The following ACTR3 variants were observed in gnomAD, a reference collection of about 807,000 sequenced individuals.
ACTR3 encodes actin-related protein 3.
ACTR3 carries 12 observed loss-of-function variants against 56.8 expected under a neutral mutation model. That is an observed-to-expected ratio of 0.21 (90% CI 0.14 to 0.34). The LOEUF (loss-of-function observed/expected upper bound fraction) is 0.34, where lower values mean the gene tolerates loss of function less well. Among genes scored for constraint, ACTR3 ranks in the 10% least tolerant of loss-of-function variants. ACTR3 has a pLI of 1.00. For missense variants in ACTR3, 282 were observed against 512.5 expected (o/e 0.55, Z 4.34); for synonymous variants, 162 against 167.4 (o/e 0.97, Z 0.25).
intron 1 of ACTR3, among the ~76,000 whole-genome samples, chr2:113,891,356 T>C (rs1384311155): frequency 6.6e-6 from 1 of 151,594 alleles, no homozygotes; most frequent in Non-Finnish European, 1.5e-5. Context: ...CTCGTAGATA[T>C]GTAGGGTAGT....
intron 3 of ACTR3, among the ~76,000 whole-genome samples, chr2:113,925,741 G>A (rs10173891): frequency 0.058 from 8,858 of 152,206 alleles, 763 homozygotes; most frequent in African/African-American, 0.18. Context: ...AAAGCAAACT[G>A]GGGAGTAGAA....
intron 10 of ACTR3, chr2:113,954,716 G>C (rs888367099): frequency 2.0e-5 from 3 of 149,656 alleles, no homozygotes; most frequent in African/African-American, 7.4e-5. Context: ...GGCTGATCTT[G>C]TACTTTCTCT....
rs1323378022 is a variant in ACTR3 at position 113,961,317 on chromosome 2, C to T, written c.*3862C>T. 3.3e-5 allele frequency: 5 copies of T among 151,668 alleles called. No individual in the cohort carries two copies. Among genetic ancestry groups the T allele is most frequent in the Non-Finnish European group, 5.9e-5 (4 of 67,852 alleles). 9.4% of individuals were successfully genotyped at this position (151,668 alleles called of 1,614,324 possible). A position where few individuals can be genotyped will look rare whatever the true frequency, so the allele number is the denominator to read the frequency against. Reference sequence around the variant, plus strand: ...CTTGGGTGCTGAAATTAAATATAACCTATTTGAGTTAAGGATTTATTACTA... The same window carrying T: ...CTTGGGTGCTGAAATTAAATATAACTTATTTGAGTTAAGGATTTATTACTA... On this transcript the variant is annotated 3_prime_UTR_variant, in exon 12 of 12. Coordinates refer to ENST00000263238, the MANE Select transcript of ACTR3 (RefSeq NM_005721.5).
chr2:113,962,356 C>G lies in ACTR3; in HGVS notation c.*4901C>G, dbSNP rs1278506082. On this transcript the variant is annotated 3_prime_UTR_variant, in exon 12 of 12. Coordinates refer to ENST00000263238, the MANE Select transcript of ACTR3 (RefSeq NM_005721.5). ...TTGACATGTCCTGAAATGTAACATT[C>G]AACATTAACAGTAGAAACAGGCCTC... 6.6e-6 allele frequency: 1 copy of G among 151,894 alleles called. No homozygotes were observed. 9.4% of individuals were successfully genotyped at this position (151,894 alleles called of 1,614,324 possible).
At chr2:113,895,591 A>T (rs1245697385) in intron 1 of ACTR3, among the ~76,000 whole-genome samples, 1 of 152,218 alleles carries the variant, frequency 6.6e-6, no homozygotes, top group Non-Finnish European at 1.5e-5. Flanking sequence ...TCAAGGGCTA[A>T]CTTTGCAGAA....
rs1410711837 is a variant in ACTR3, at chr2:113,917,173, TTTTTTTC to T, written c.225+172_225+178del. On this transcript the variant is annotated intron_variant, in intron 3 of 11. Coordinates refer to ENST00000263238, the MANE Select transcript of ACTR3 (RefSeq NM_005721.5). Reference sequence around the variant, plus strand: ...CATCCTTCCCTGTTGCTTTAACTTTTTTTTTTCTTTTTTTTAATAACCCCTAAGAGGA... The same window carrying T: ...CATCCTTCCCTGTTGCTTTAACTTTTTTTTTTTTAATAACCCCTAAGAGGA... Among the ~76,000 whole-genome samples the T allele has an allele frequency of 5.9e-5, 9 of 152,178 alleles. No homozygotes were observed. The East Asian group carries it at 1.7e-3, about 29-fold the overall frequency.
At chr2:113,937,511 C>T (rs1034982440) in intron 6 of ACTR3, among the ~76,000 whole-genome samples, 1 of 152,208 alleles carries the variant, frequency 6.6e-6, no homozygotes, top group Admixed American at 6.5e-5. Context: ...AAAATGACAT[C>T]CTTCAACATT....
chr2:113,926,005 A>G (rs768783413), intron 3 of ACTR3, among the ~76,000 whole-genome samples: 2 of 152,194 alleles, frequency 1.3e-5, no homozygotes, highest in Non-Finnish European at 1.5e-5. Flanking sequence ...AGTTCTGTTT[A>G]TTAAATACCT....
chr2:113,915,246 C>T (rs1679382453), intron 2 of ACTR3, among the ~76,000 whole-genome samples: 1 of 152,180 alleles, frequency 6.6e-6, no homozygotes, highest in African/African-American at 2.4e-5. Flanking sequence ...TCAGCAGGGT[C>T]ATGCTCTTGC....
intron 6 of ACTR3, among the ~76,000 whole-genome samples, chr2:113,936,479 A>G (rs999643133): frequency 2.0e-5 from 3 of 151,938 alleles, no homozygotes; most frequent in African/African-American, 7.3e-5. Context: ...TGGTTGTTGT[A>G]TGGGTTGTAG....
At chr2:113,946,659 G>A (rs1181280862) in intron 8 of ACTR3, among the ~76,000 whole-genome samples, 1 of 152,124 alleles carries the variant, frequency 6.6e-6, no homozygotes, top group Non-Finnish European at 1.5e-5. Flanking sequence ...TAGGTTGTCT[G>A]TTTACTCTGC....
chr2:113,960,798 T>C lies in ACTR3; in HGVS notation c.*3343T>C, dbSNP rs1680311919. ...TTACCACCCAGATTTCCAACTCGGG[T>C]TAATTGGTACTAATTCTATTAGCTG... On this transcript the variant is annotated 3_prime_UTR_variant, in exon 12 of 12. Coordinates refer to ENST00000263238, the MANE Select transcript of ACTR3 (RefSeq NM_005721.5). 6.6e-6 allele frequency: 1 copy of C among 151,968 alleles called. No individual in the cohort carries two copies. The highest frequency in any genetic ancestry group is 1.5e-5 in the Non-Finnish European group (1 of 67,928). The allele number at this position is 151,968 out of a possible 1,614,324, so 9.4% of individuals were successfully genotyped here.
At chr2:113,932,999 G>A (rs968537677) in intron 5 of ACTR3, among the ~76,000 whole-genome samples, 1 of 152,010 alleles carries the variant, frequency 6.6e-6, no homozygotes, top group African/African-American at 2.4e-5. Flanking sequence ...CTTTGTTTGA[G>A]GCTTGGATTG....
At chr2:113,957,313 A>G (rs1271843399) in intron 11 of ACTR3, 47 bp from the exon 12 acceptor site, 3 of 1,360,254 alleles carry the variant, frequency 2.2e-6, no homozygotes, top group Non-Finnish European at 3.2e-6. Flanking sequence ...TACCTTCAAG[A>G]TGGTAGATTT....
At chr2:113,933,440 G>A (rs552936921) in intron 5 of ACTR3, among the ~76,000 whole-genome samples, 2 of 152,156 alleles carry the variant, frequency 1.3e-5, no homozygotes, top group South Asian at 2.1e-4. Context: ...CCCAAGAGGC[G>A]GAGATTGCGG....
At chr2:113,931,228 C>T in intron 4 of ACTR3, 73 bp from the exon 5 acceptor site, 1 of 845,738 alleles carries the variant, frequency 1.2e-6, no homozygotes, top group Non-Finnish European at 1.7e-6. Context: ...AATTACTTCT[C>T]ATTTAAAAAT....
intron 1 of ACTR3, among the ~76,000 whole-genome samples, chr2:113,895,136 A>G (rs964252812): frequency 7.4e-6 from 1 of 134,902 alleles, no homozygotes; most frequent in Non-Finnish European, 1.5e-5. Flanking sequence ...TAATCTCTAG[A>G]AAAAAATTAC....
intron 1 of ACTR3, among the ~76,000 whole-genome samples, chr2:113,903,745 C>G (rs1020876372): frequency 6.6e-6 from 1 of 152,040 alleles, no homozygotes; most frequent in African/African-American, 2.4e-5. Flanking sequence ...CTACCCACTT[C>G]GGCCTCCCTA....
intron 3 of ACTR3, among the ~76,000 whole-genome samples, chr2:113,921,455 C>T (rs1050934750): frequency 3.9e-5 from 6 of 151,964 alleles, no homozygotes; most frequent in Non-Finnish European, 5.9e-5. Flanking sequence ...GTTTTCCTCA[C>T]AGAAGCATTT....
Sources: gnomAD v4.1 joint callset for allele counts (sites outside exome capture counted in the v4.1 genomes callset) on GRCh38, gnomAD v4.1.1 for gene constraint, MANE v1.5 for transcripts, NCBI Gene and HGNC (gene_info 2026-07-23, HGNC 2026-07-21) for gene names.